Variants in EBF2 observed in about 807,000 individuals in gnomAD.
EBF2 encodes EBF transcription factor 2.
A neutral mutation model predicts 72.8 loss-of-function variants in EBF2; 21 were observed. The observed-to-expected ratio is 0.29, with a 90% confidence interval of 0.20 to 0.42. The LOEUF (loss-of-function observed/expected upper bound fraction) is 0.42, where lower values mean the gene tolerates loss of function less well. EBF2 is among the 10% of genes least tolerant of loss of function. The probability of loss-of-function intolerance (pLI) is 1.00; values close to 1 mark genes in which losing one functional copy is unlikely to be tolerated. For synonymous variants in EBF2, 299 were observed against 274.2 expected (o/e 1.09, Z -0.89); for missense variants, 637 against 731.2 (o/e 0.87, Z 1.49).
At chr8:26,009,291 G>A (rs544357682) in intron 6 of EBF2, among the ~76,000 whole-genome samples, 1 of 152,184 alleles carries the variant, frequency 6.6e-6, no homozygotes, top group Non-Finnish European at 1.5e-5. Context: ...TTGTGCTAAA[G>A]CCAAGTATAA....
At chr8:25,913,739 A>G (rs977362077) in intron 6 of EBF2, among the ~76,000 whole-genome samples, 6 of 152,196 alleles carry the variant, frequency 3.9e-5, no homozygotes, top group African/African-American at 1.4e-4. Context: ...TCACATAAGC[A>G]GGCTAGGTCA....
At chr8:25,956,229 A>T (rs1340860844) in intron 6 of EBF2, among the ~76,000 whole-genome samples, 1 of 151,814 alleles carries the variant, frequency 6.6e-6, no homozygotes, top group Non-Finnish European at 1.5e-5. Context: ...GACCAGCCTG[A>T]CCAACATGGA....
chr8:26,043,564 A>T (rs1354521922), intron 1 of EBF2, among the ~76,000 whole-genome samples: 1 of 152,162 alleles, frequency 6.6e-6, no homozygotes, highest in Admixed American at 6.5e-5. Flanking sequence ...GCCGGAGGGA[A>T]ATCCGCGCTC....
chr8:26,036,128 G>A (rs1206800987), intron 5 of EBF2, among the ~76,000 whole-genome samples: 2 of 152,114 alleles, frequency 1.3e-5, no homozygotes, highest in Non-Finnish European at 2.9e-5. Context: ...CTGTCAGAAC[G>A]TGCCAATCTG....
intron 10 of EBF2, among the ~76,000 whole-genome samples, chr8:25,874,625 C>G (rs998860052): frequency 6.6e-6 from 1 of 151,878 alleles, no homozygotes; most frequent in Non-Finnish European, 1.5e-5. Flanking sequence ...TTTGGTCCAC[C>G]TTTTATTTTT....
At chr8:25,849,621 T>C (rs1801918042) in intron 15 of EBF2, among the ~76,000 whole-genome samples, 1 of 145,820 alleles carries the variant, frequency 6.9e-6, no homozygotes, top group African/African-American at 2.7e-5. Flanking sequence ...TGAGCCCCAG[T>C]CCTCAGCAGT....
intron 6 of EBF2, among the ~76,000 whole-genome samples, chr8:25,918,001 T>A (rs1803252766): frequency 6.6e-6 from 1 of 152,212 alleles, no homozygotes; most frequent in Admixed American, 6.5e-5. Context: ...GGAAAGGGAA[T>A]CAAGGTTGGA....
chr8:25,942,125 G>C (rs1178557565), intron 6 of EBF2, among the ~76,000 whole-genome samples: 1 of 152,190 alleles, frequency 6.6e-6, no homozygotes, highest in African/African-American at 2.4e-5. Context: ...TGAGCACAGA[G>C]AGCACCGGAA....
intron 6 of EBF2, among the ~76,000 whole-genome samples, chr8:25,923,610 C>A (rs903365811): frequency 1.3e-5 from 2 of 152,194 alleles, no homozygotes; most frequent in African/African-American, 4.8e-5. Context: ...TTTTGCAATA[C>A]AAGTTCTAAA....
chr8:25,922,887 C>T (rs1235282865), intron 6 of EBF2, among the ~76,000 whole-genome samples: 1 of 151,722 alleles, frequency 6.6e-6, no homozygotes, highest in East Asian at 1.9e-4. Context: ...TCTTTCTGAC[C>T]CTGGAGTTTA....
intron 6 of EBF2, among the ~76,000 whole-genome samples, chr8:25,919,678 G>A (rs1205073685): frequency 6.6e-6 from 1 of 152,224 alleles, no homozygotes; most frequent in Non-Finnish European, 1.5e-5. Context: ...TGGGAGTTGA[G>A]AAAGTTGAAA....
chr8:26,002,412 C>A (rs373762877), intron 6 of EBF2, among the ~76,000 whole-genome samples: 1 of 152,224 alleles, frequency 6.6e-6, no homozygotes, highest in African/African-American at 2.4e-5. Flanking sequence ...AGGCAGCCAG[C>A]GCCGAGCCTA....
chr8:26,040,060 G>A lies in EBF2; in HGVS notation c.450C>T (p.Cys150=), dbSNP rs916567341. The A allele has an allele frequency of 1.2e-6, 2 of 1,613,946 alleles. No individual in the cohort carries two copies. Among genetic ancestry groups the A allele is most frequent in the African/African-American group, 2.7e-5 (2 of 74,912 alleles). ...YEGQNKNPEM[C]RVLLTHEVMC... ...TCACTTCGTGCGTCAGGAGAACTCG[G>A]CACATTTCCGGATTCTTATTCTGTC... Residue 150 remains cysteine, a synonymous_variant, in exon 5 of 16, where the codon TGC becomes TGT. Coordinates refer to ENST00000520164, the MANE Select transcript of EBF2 (RefSeq NM_022659.4).
chr8:25,853,687 T>C (rs1350977687), intron 14 of EBF2, among the ~76,000 whole-genome samples: 1 of 151,970 alleles, frequency 6.6e-6, no homozygotes, highest in African/African-American at 2.4e-5. Context: ...AATAATAGGT[T>C]CAAGGGCATT....
At chr8:25,984,093 CT>C (rs2117202079) in intron 6 of EBF2, among the ~76,000 whole-genome samples, 1 of 152,260 alleles carries the variant, frequency 6.6e-6, no homozygotes, top group Non-Finnish European at 1.5e-5. Context: ...AGGTGTGTAC[CT>C]TTGTGTGATT....
chr8:25,998,986 GA>G (rs1804679432), intron 6 of EBF2, among the ~76,000 whole-genome samples: 1 of 152,106 alleles, frequency 6.6e-6, no homozygotes, highest in Admixed American at 6.5e-5. Context: ...AACTTTTCAA[GA>G]AAAGGAAAAG....
At chr8:25,960,934 G>A (rs1032273296) in intron 6 of EBF2, among the ~76,000 whole-genome samples, 11 of 152,210 alleles carry the variant, frequency 7.2e-5, no homozygotes, top group Admixed American at 2.6e-4. Flanking sequence ...ATGCACACAC[G>A]TAAATATAAA....
intron 6 of EBF2, among the ~76,000 whole-genome samples, chr8:25,991,783 T>C (rs1039302722): frequency 1.3e-5 from 2 of 151,486 alleles, no homozygotes; most frequent in Non-Finnish European, 2.9e-5. Context: ...GAGGCAGAGG[T>C]TGTAGTGAGC....
intron 6 of EBF2, among the ~76,000 whole-genome samples, chr8:25,974,189 C>A (rs548323060): frequency 6.6e-6 from 1 of 152,246 alleles, no homozygotes; most frequent in East Asian, 1.9e-4. Context: ...CACTAAGCAC[C>A]AAGGGGAAGT....
Sources: gnomAD v4.1 joint callset for allele counts (sites outside exome capture counted in the v4.1 genomes callset) on GRCh38, gnomAD v4.1.1 for gene constraint, MANE v1.5 for transcripts, NCBI Gene and HGNC (gene_info 2026-07-23, HGNC 2026-07-21) for gene names.